The following IQCE variants were observed in gnomAD, a reference collection of about 807,000 sequenced individuals.
IQCE encodes IQ domain-containing protein E.
Under a neutral mutation model 96.0 loss-of-function variants are expected in IQCE, and 115 were observed. That is an observed-to-expected ratio of 1.20 (90% CI 1.03 to 1.40). IQCE has a LOEUF of 1.40. Ranked by LOEUF, IQCE falls within the 40% of genes most tolerant of loss-of-function variation. The pLI is 0.00. For synonymous variants in IQCE, 412 were observed against 371.2 expected (o/e 1.11, Z -1.26); for missense variants, 1,041 against 909.1 (o/e 1.15, Z -1.87).
In IQCE at chr7:2,579,694, T is replaced by G. The variant is rs981982483; in HGVS notation, c.630+1168T>G. On this transcript the variant is annotated intron_variant, in intron 8 of 21. Transcript: ENST00000402050. ...AGAAAAGGCTCCATGTTTTTGTTGTTCTGGTGGTGTGTGTGTGTGTGTGTG... is the reference window on the plus strand; with the variant it reads ...AGAAAAGGCTCCATGTTTTTGTTGTGCTGGTGGTGTGTGTGTGTGTGTGTG... Among the ~76,000 whole-genome samples the G allele has an allele frequency of 2.2e-5, 3 of 139,154 alleles. No individual in the cohort carries two copies. The Admixed American group carries it at 2.3e-4, about 10-fold the overall frequency. The allele number at this position is 139,154 out of a possible 152,430, so 91.3% of individuals were successfully genotyped here. A position where few individuals can be genotyped will look rare whatever the true frequency, so the allele number is the denominator to read the frequency against.
intron 1 of IQCE, among the ~76,000 whole-genome samples, chr7:2,563,497 C>T (rs1781128799): frequency 6.6e-6 from 1 of 151,942 alleles, no homozygotes; most frequent in South Asian, 2.1e-4. Flanking sequence ...TGTGAGCCAC[C>T]ACGCCCGGCC....
At chr7:2,560,785 A>T (rs1170599808) in intron 1 of IQCE, among the ~76,000 whole-genome samples, 1 of 151,438 alleles carries the variant, frequency 6.6e-6, no homozygotes, top group African/African-American at 2.4e-5. Context: ...GTGAAACCCC[A>T]TCTCTACTAC....
chr7:2,604,670 C>T (rs1784661248), intron 18 of IQCE, among the ~76,000 whole-genome samples: 1 of 152,182 alleles, frequency 6.6e-6, no homozygotes, highest in Admixed American at 6.5e-5. Flanking sequence ...AGGTGCCATG[C>T]CCTGTCAGCT....
At chr7:2,568,884 C>A in intron 2 of IQCE, 70 bp from the exon 3 acceptor site, 1 of 1,399,766 alleles carries the variant, frequency 7.1e-7, no homozygotes, top group Non-Finnish European at 1.0e-6. Context: ...CCTTTCTGAA[C>A]ATGGTAGGGT....
intron 13 of IQCE, among the ~76,000 whole-genome samples, chr7:2,589,179 G>C (rs1235182701): frequency 2.0e-5 from 3 of 152,052 alleles, no homozygotes; most frequent in African/African-American, 7.3e-5. Context: ...ACCAGCCTGG[G>C]CAACATAGCA....
At chr7:2,575,111 A>G (rs934141144) in intron 6 of IQCE, among the ~76,000 whole-genome samples, 1 of 152,144 alleles carries the variant, frequency 6.6e-6, no homozygotes, top group Non-Finnish European at 1.5e-5. Context: ...AGGTTGAGCT[A>G]TTCTTGGTTC....
At chr7:2,595,054 C>T in intron 16 of IQCE, 78 bp downstream of exon 16, 1 of 1,015,754 alleles carries the variant, frequency 9.8e-7, no homozygotes. Context: ...GTTTCCCTGT[C>T]CAGAGTTTTT....
chr7:2,573,565 T>C, intron 6 of IQCE, 77 bp downstream of exon 6: 2 of 820,770 alleles, frequency 2.4e-6, no homozygotes, highest in East Asian at 2.6e-5. Flanking sequence ...CATCAGTGCC[T>C]GTGCTGGGAG....
chr7:2,592,429 G>T (rs1322117552), intron 14 of IQCE, among the ~76,000 whole-genome samples: 1 of 152,208 alleles, frequency 6.6e-6, no homozygotes, highest in Non-Finnish European at 1.5e-5. Context: ...AGCCCTTACC[G>T]TGTGACAGGG....
intron 2 of IQCE, 111 bp from the exon 3 acceptor site, chr7:2,568,843 G>A (rs1206285458): frequency 4.1e-6 from 4 of 971,828 alleles, no homozygotes; most frequent in African/African-American, 1.6e-5. Context: ...GTAAGCTCAC[G>A]TCCTCTTGCT....
At chr7:2,561,102 C>T (rs891533422) in intron 1 of IQCE, among the ~76,000 whole-genome samples, 71 of 102,436 alleles carry the variant, frequency 6.9e-4, no homozygotes, top group African/African-American at 3.3e-3. Flanking sequence ...GGACTACAGG[C>T]GCCTGCCACC....
At position 2,584,258 on chromosome 7, in the gene IQCE, T is replaced by C. The variant is rs1426335720; in HGVS notation, c.797T>C (p.Leu266Ser). The change falls in exon 11 of 22, where the codon TTG becomes TCG. Residue 266 changes from leucine to serine, a missense_variant. By Grantham distance (145) the Leu-to-Ser change is moderately radical (BLOSUM62 -2). Transcript: ENST00000402050. ...YEEVHRLQTL[L>S]ASSETTGKKP... ...CAGGTGCATCGTCTCCAGACCCTCT[T>C]GGCAAGTTCTGAAACCACCGGAAAG... 1 of 1,614,136 alleles carries C rather than the reference T, an allele frequency of 6.2e-7. No homozygotes were observed. Among genetic ancestry groups the C allele is most frequent in the Non-Finnish European group, 8.5e-7 (1 of 1,179,946 alleles).
chr7:2,598,213 G>C (rs1362746461), intron 16 of IQCE: 2 of 377,044 alleles, frequency 5.3e-6, no homozygotes, highest in Non-Finnish European at 4.7e-6. Flanking sequence ...GGCACTGCCA[G>C]ACAGAGTTAA....
chr7:2,584,659 T>G, intron 11 of IQCE: 1 of 212,562 alleles, frequency 4.7e-6, no homozygotes, highest in Admixed American at 5.5e-5. Flanking sequence ...AATAAGTTTA[T>G]CAGGAGAAAC....
rs2128461348 is a variant in IQCE at position 2,593,142 on chromosome 7, C to T, written c.1349+16C>T. On this transcript the variant is annotated intron_variant, in intron 15 of 21. Coordinates refer to ENST00000402050, the MANE Select transcript of IQCE (RefSeq NM_152558.5). ...AGGTTTTGAGGTATGTGACCCGGGT[C>T]AGGGCTGGAGAGGACCCAGGCGAGT... The T allele has an allele frequency of 5.6e-6, 9 of 1,605,944 alleles. No individual in the cohort carries two copies. Among genetic ancestry groups the T allele is most frequent in the Non-Finnish European group, 7.7e-6 (9 of 1,174,460 alleles).
At chr7:2,572,674 A>G (rs1239489762) in intron 5 of IQCE, 2 of 474,106 alleles carry the variant, frequency 4.2e-6, no homozygotes, top group Non-Finnish European at 4.2e-6. Context: ...AGTCGCACCA[A>G]AGAGAATCAG....
intron 7 of IQCE, 49 bp downstream of exon 7, chr7:2,578,404 C>T: frequency 6.2e-7 from 1 of 1,609,364 alleles, no homozygotes; most frequent in Non-Finnish European, 8.5e-7. Context: ...GTCCTCGGGG[C>T]AGCATCTGCC....
intron 1 of IQCE, 23 bp from the exon 2 acceptor site, chr7:2,567,093 A>C: frequency 6.2e-7 from 1 of 1,610,934 alleles, no homozygotes; most frequent in African/African-American, 1.3e-5. Flanking sequence ...GTCGAGTTAC[A>C]GTGTTTGCCT....
intron 17 of IQCE, among the ~76,000 whole-genome samples, chr7:2,600,853 TA>T (rs1784385783): frequency 6.6e-6 from 1 of 152,176 alleles, no homozygotes; most frequent in African/African-American, 2.4e-5. Flanking sequence ...CTCACATCTA[TA>T]AGAACACATG....
Sources: gnomAD v4.1 joint callset for allele counts (sites outside exome capture counted in the v4.1 genomes callset) on GRCh38, gnomAD v4.1.1 for gene constraint, MANE v1.5 for transcripts, NCBI Gene and HGNC (gene_info 2026-07-23, HGNC 2026-07-21) for gene names.